LRRTM4: variants seen among roughly 807,000 people sequenced by gnomAD.
The protein encoded by LRRTM4 is leucine-rich repeat transmembrane neuronal protein 4.
In LRRTM4, 25 loss-of-function variants were observed where a neutral mutation model predicts 47.6. That is an observed-to-expected ratio of 0.53 (90% CI 0.38 to 0.73). The LOEUF (loss-of-function observed/expected upper bound fraction) is 0.73. Ranked by LOEUF, LRRTM4 falls within the 30% of genes least tolerant of loss-of-function variation. The pLI is 0.00. For missense variants in LRRTM4, 638 were observed against 713.4 expected, an observed-to-expected ratio of 0.89 and a Z score of 1.20; for synonymous variants, 311 against 269.5, an observed-to-expected ratio of 1.15 and a Z score of -1.51.
intron 3 of LRRTM4, among the ~76,000 whole-genome samples, chr2:77,444,327 A>G (rs1675961248): frequency 6.6e-6 from 1 of 152,122 alleles, no homozygotes; most frequent in African/African-American, 2.4e-5. Flanking sequence ...TCACTCAACA[A>G]AAGTAACATT....
intron 3 of LRRTM4, among the ~76,000 whole-genome samples, chr2:77,266,399 C>T (rs1676051162): frequency 6.6e-6 from 1 of 151,986 alleles, no homozygotes; most frequent in Non-Finnish European, 1.5e-5. Context: ...AGATCATATC[C>T]TTTCATTTCC....
intron 3 of LRRTM4, among the ~76,000 whole-genome samples, chr2:77,254,444 A>G (rs1022700821): frequency 2.0e-5 from 3 of 151,984 alleles, no homozygotes; most frequent in African/African-American, 4.8e-5. Flanking sequence ...GGCATTCTCT[A>G]AACAGAATGG....
chr2:77,427,118 A>G (rs949024653), intron 3 of LRRTM4, among the ~76,000 whole-genome samples: 5 of 151,874 alleles, frequency 3.3e-5, no homozygotes, highest in Non-Finnish European at 7.4e-5. Context: ...AGCTGGGACT[A>G]CAGGTGCGCA....
intron 3 of LRRTM4, among the ~76,000 whole-genome samples, chr2:77,374,712 G>A (rs1329424363): frequency 6.6e-6 from 1 of 151,678 alleles, no homozygotes; most frequent in Non-Finnish European, 1.5e-5. Context: ...TTCTTGACTA[G>A]AGACCATCTG....
At chr2:77,141,401 C>T (rs1672117554) in intron 3 of LRRTM4, among the ~76,000 whole-genome samples, 1 of 147,072 alleles carries the variant, frequency 6.8e-6, no homozygotes, top group Non-Finnish European at 1.5e-5. Flanking sequence ...TGTTCTCACT[C>T]ACAGGTGGGA....
intron 3 of LRRTM4, among the ~76,000 whole-genome samples, chr2:77,305,553 T>C (rs1273465127): frequency 6.6e-6 from 1 of 152,142 alleles, no homozygotes; most frequent in Admixed American, 6.5e-5. Context: ...TGAAGTGCTT[T>C]AGGCACTAGC....
chr2:77,521,523 A>T, intron 2 of LRRTM4, 145 bp downstream of exon 2: 1 of 827,716 alleles, frequency 1.2e-6, no homozygotes, highest in South Asian at 1.7e-5. Context: ...AAAATATAAT[A>T]GCAACTATAG....
intron 3 of LRRTM4, among the ~76,000 whole-genome samples, chr2:77,345,975 G>A (rs997236693): frequency 1.3e-5 from 2 of 151,636 alleles, no homozygotes; most frequent in Admixed American, 6.6e-5. Context: ...CTTTCTGACT[G>A]AATGGATAAA....
chr2:76,760,214 C>G (rs1252816084), intron 3 of LRRTM4, among the ~76,000 whole-genome samples: 6 of 152,166 alleles, frequency 3.9e-5, no homozygotes, highest in Non-Finnish European at 8.8e-5. Context: ...TCTAGAATCA[C>G]AGGCCACCGT....
intron 3 of LRRTM4, among the ~76,000 whole-genome samples, chr2:77,171,939 TCA>T (rs1253631899): frequency 6.6e-6 from 1 of 151,924 alleles, no homozygotes; most frequent in Non-Finnish European, 1.5e-5. Context: ...TTCAGAGGAG[TCA>T]CAGTTATACA....
chr2:76,841,131 T>C (rs990668728), intron 3 of LRRTM4, among the ~76,000 whole-genome samples: 7 of 149,714 alleles, frequency 4.7e-5, no homozygotes, highest in African/African-American at 1.8e-4. Flanking sequence ...TGTAGGGACA[T>C]GGATGAAGCT....
At chr2:76,796,155 C>T (rs148169626) in intron 3 of LRRTM4, among the ~76,000 whole-genome samples, 3 of 144,340 alleles carry the variant, frequency 2.1e-5, no homozygotes, top group South Asian at 2.2e-4. Flanking sequence ...GCACATGGCT[C>T]GCAGGGTCCT....
intron 2 of LRRTM4, among the ~76,000 whole-genome samples, chr2:77,520,942 TTC>T (rs1573524805): frequency 6.6e-6 from 1 of 151,896 alleles, no homozygotes; most frequent in Non-Finnish European, 1.5e-5. Context: ...GTGTTGCAGT[TTC>T]TTTTTTTTTC....
intron 3 of LRRTM4, among the ~76,000 whole-genome samples, chr2:77,050,443 G>A (rs959917058): frequency 6.6e-6 from 1 of 152,104 alleles, no homozygotes; most frequent in Non-Finnish European, 1.5e-5. Flanking sequence ...TAGCATATCG[G>A]TTTACCATTT....
At chr2:77,221,806 A>G (rs948339968) in intron 3 of LRRTM4, among the ~76,000 whole-genome samples, 3 of 152,160 alleles carry the variant, frequency 2.0e-5, no homozygotes, top group Admixed American at 1.3e-4. Flanking sequence ...ATGAGACAGA[A>G]AGTTAACAGG....
chr2:76,851,350 T>C (rs1671989029), intron 3 of LRRTM4, among the ~76,000 whole-genome samples: 1 of 152,204 alleles, frequency 6.6e-6, no homozygotes, highest in Non-Finnish European at 1.5e-5. Context: ...TTACCTTTAT[T>C]GAATCTGTAG....
In LRRTM4 at chr2:77,518,309, G is replaced by C. The variant is rs1407845218; in HGVS notation, c.1551+9C>G. On this transcript the variant is annotated intron_variant, in intron 3 of 3. Coordinates refer to ENST00000409884, the MANE Select transcript of LRRTM4 (RefSeq NM_001134745.3). ...GTAGAAATGCTTTTAGGAGGATCAT[G>C]GTTCATACCTCACATTCCCTGGAGC... The C allele has an allele frequency of 1.3e-6, 2 of 1,591,322 alleles. No homozygotes were observed. The highest frequency in any genetic ancestry group is 2.3e-5 in the East Asian group (1 of 44,418).
At chr2:76,786,716 C>T (rs1054564362) in intron 3 of LRRTM4, among the ~76,000 whole-genome samples, 2 of 151,654 alleles carry the variant, frequency 1.3e-5, no homozygotes, top group Non-Finnish European at 2.9e-5. Flanking sequence ...GGTTCCCTTT[C>T]AATTTGTTTA....
chr2:77,087,870 G>A (rs528717767), intron 3 of LRRTM4, among the ~76,000 whole-genome samples: 2 of 152,290 alleles, frequency 1.3e-5, no homozygotes, highest in South Asian at 2.1e-4. Flanking sequence ...ACTGATAGAC[G>A]TGTGTAGAAA....
Sources: allele counts gnomAD v4.1 joint callset (sites outside exome capture counted in the v4.1 genomes callset), GRCh38; gene constraint gnomAD v4.1.1; transcripts MANE v1.5; gene names NCBI Gene and HGNC (gene_info 2026-07-23, HGNC 2026-07-21).